The following CNTN5 variants were observed in gnomAD, a reference collection of about 807,000 sequenced individuals.
CNTN5 encodes the protein contactin-5.
In CNTN5, 77 loss-of-function variants were observed where a neutral mutation model predicts 129.1. The observed-to-expected ratio is 0.60, with a 90% CI of 0.50 to 0.72. The LOEUF (loss-of-function observed/expected upper bound fraction) is 0.72. CNTN5 is among the 30% of genes least tolerant of loss of function. The probability of loss-of-function intolerance (pLI) is 0.00; values close to 1 mark genes in which losing one functional copy is unlikely to be tolerated. For missense variants in CNTN5, 1,478 were observed against 1,328.8 expected (o/e 1.11, Z -1.75); for synonymous variants, 509 against 465.6 (o/e 1.09, Z -1.20).
At chr11:99,024,666 C>A (rs1863032587) in intron 1 of CNTN5, among the ~76,000 whole-genome samples, 1 of 152,034 alleles carries the variant, frequency 6.6e-6, no homozygotes, top group African/African-American at 2.4e-5. Flanking sequence ...CAAACATAAG[C>A]TCATACGTGT....
intron 17 of CNTN5, among the ~76,000 whole-genome samples, chr11:100,259,865 A>C (rs1487734072): frequency 1.3e-5 from 2 of 152,114 alleles, no homozygotes; most frequent in Admixed American, 1.3e-4. Flanking sequence ...ATTCAACACC[A>C]TAAAATCACA....
intron 2 of CNTN5, among the ~76,000 whole-genome samples, chr11:99,376,982 A>G (rs1402507598): frequency 2.0e-5 from 3 of 152,200 alleles, no homozygotes; most frequent in African/African-American, 7.2e-5. Flanking sequence ...TTACTAAGAA[A>G]GAGTTGAAAT....
chr11:99,863,346 T>C (rs1170478878), intron 6 of CNTN5, among the ~76,000 whole-genome samples: 1 of 152,122 alleles, frequency 6.6e-6, no homozygotes, highest in Non-Finnish European at 1.5e-5. Flanking sequence ...GTAGAGATTT[T>C]CAGGTAGGAG....
intron 1 of CNTN5, among the ~76,000 whole-genome samples, chr11:99,037,307 A>T (rs1863784346): frequency 6.6e-6 from 1 of 152,148 alleles, no homozygotes; most frequent in Admixed American, 6.6e-5. Flanking sequence ...CAAGCTTGTC[A>T]TGTCATTTCT....
In CNTN5 at chr11:99,763,853, A is replaced by T. The variant is rs534482938; in HGVS notation, c.56-55691A>T. Among the ~76,000 whole-genome samples, 12 of 151,952 alleles carry T rather than the reference A, an allele frequency of 7.9e-5. No individual in the cohort carries two copies. In the East Asian group the frequency reaches 2.4e-3, roughly 30 times the overall value. On this transcript the variant is annotated intron_variant, in intron 3 of 24. Transcript: ENST00000524871. ...AAATCTCAAGCATAACCATATATTA[A>T]ATTGAAAAAAATTCTATGGGCAAAA...
At chr11:99,794,381 T>C (rs749513564) in intron 3 of CNTN5, among the ~76,000 whole-genome samples, 1 of 152,186 alleles carries the variant, frequency 6.6e-6, no homozygotes, top group African/African-American at 2.4e-5. Flanking sequence ...TATCCAACTT[T>C]CCATTCTGTG....
intron 9 of CNTN5, among the ~76,000 whole-genome samples, chr11:100,048,859 G>T (rs1478214634): frequency 1.3e-5 from 2 of 151,736 alleles, no homozygotes; most frequent in African/African-American, 4.8e-5. Flanking sequence ...TATAAACAGG[G>T]TAAAAACAAA....
At chr11:99,334,273 G>T (rs909429218) in intron 2 of CNTN5, among the ~76,000 whole-genome samples, 1 of 152,006 alleles carries the variant, frequency 6.6e-6, no homozygotes, top group African/African-American at 2.4e-5. Flanking sequence ...ATACACACAG[G>T]ACTATTCAAT....
chr11:99,609,879 C>A (rs1278378942), intron 3 of CNTN5, among the ~76,000 whole-genome samples: 3 of 151,958 alleles, frequency 2.0e-5, no homozygotes, highest in Non-Finnish European at 2.9e-5. Flanking sequence ...TTTTCTTTTT[C>A]TTAGGGTTGT....
At chr11:99,078,254 T>C (rs1441443333) in intron 1 of CNTN5, among the ~76,000 whole-genome samples, 6 of 152,220 alleles carry the variant, frequency 3.9e-5, no homozygotes, top group Admixed American at 3.9e-4. Context: ...ATATTAAGCA[T>C]ACTACTTGCA....
intron 1 of CNTN5, among the ~76,000 whole-genome samples, chr11:99,251,455 T>C (rs1039392697): frequency 2.0e-5 from 3 of 151,918 alleles, no homozygotes; most frequent in Non-Finnish European, 2.9e-5. Context: ...CAGTCAGTTA[T>C]AGAAATAGTA....
intron 24 of CNTN5, 28 bp from the exon 25 acceptor site, chr11:100,356,089 G>T (rs1715062355): frequency 6.7e-7 from 1 of 1,482,600 alleles, no homozygotes; most frequent in Non-Finnish European, 9.3e-7. Flanking sequence ...AAGATAATTT[G>T]CTCCATTTGA....
intron 3 of CNTN5, among the ~76,000 whole-genome samples, chr11:99,751,689 C>G (rs117069574): frequency 2.0e-5 from 3 of 152,078 alleles, no homozygotes; most frequent in African/African-American, 4.8e-5. Flanking sequence ...CTTTTAATTA[C>G]TGGTGTAAAT....
At chr11:99,465,202 C>T (rs890149242) in intron 2 of CNTN5, among the ~76,000 whole-genome samples, 1 of 152,150 alleles carries the variant, frequency 6.6e-6, no homozygotes, top group African/African-American at 2.4e-5. Flanking sequence ...ATAAATACTT[C>T]ACCTATTTGT....
intron 1 of CNTN5, among the ~76,000 whole-genome samples, chr11:99,159,481 G>A (rs1860497716): frequency 6.6e-6 from 1 of 152,144 alleles, no homozygotes; most frequent in Non-Finnish European, 1.5e-5. Context: ...AAGTAGCCGG[G>A]CATAGTGGCG....
chr11:99,343,536 GT>G (rs910151793), intron 2 of CNTN5, among the ~76,000 whole-genome samples: 74 of 152,210 alleles, frequency 4.9e-4, no homozygotes, highest in African/African-American at 1.8e-3. Flanking sequence ...TCCATTCTCA[GT>G]TTTAGTAAAA....
At chr11:100,204,838 T>C (rs1483767698) in intron 15 of CNTN5, among the ~76,000 whole-genome samples, 1 of 152,068 alleles carries the variant, frequency 6.6e-6, no homozygotes, top group Non-Finnish European at 1.5e-5. Context: ...TTTATAAGCA[T>C]TGCATTATTT....
chr11:99,732,425 T>TA (rs1943566168), intron 3 of CNTN5, among the ~76,000 whole-genome samples: 1 of 124,344 alleles, frequency 8.0e-6, no homozygotes, highest in Non-Finnish European at 1.9e-5. Context: ...AATAACTCAG[T>TA]ATAATAACTG....
intron 6 of CNTN5, among the ~76,000 whole-genome samples, chr11:99,867,251 GA>G (rs1565620902): frequency 6.6e-6 from 1 of 152,162 alleles, no homozygotes; most frequent in Non-Finnish European, 1.5e-5. Flanking sequence ...ACATAGGAAA[GA>G]AGCAGCATAA....
Sources: allele counts gnomAD v4.1 joint callset (sites outside exome capture counted in the v4.1 genomes callset), GRCh38; gene constraint gnomAD v4.1.1; transcripts MANE v1.5; gene names NCBI Gene and HGNC (gene_info 2026-07-23, HGNC 2026-07-21).